Variants in DCC observed in about 807,000 individuals in gnomAD.
The protein encoded by DCC is DCC netrin 1 receptor.
Under a neutral mutation model 172.5 loss-of-function variants are expected in DCC, and 58 were observed. The observed-to-expected ratio is 0.34, with a 90% CI of 0.27 to 0.42. The LOEUF (loss-of-function observed/expected upper bound fraction) is 0.42, where lower values mean the gene tolerates loss of function less well. Among genes scored for constraint, DCC ranks in the 10% least tolerant of loss-of-function variants. The probability of loss-of-function intolerance (pLI) is 1.00; values close to 1 mark genes in which losing one functional copy is unlikely to be tolerated. For synonymous variants in DCC, 709 were observed against 644.5 expected (o/e 1.10, Z -1.52); for missense variants, 1,740 against 1,791.0 (o/e 0.97, Z 0.51).
At chr18:52,738,344 G>A (rs1273655516) in intron 1 of DCC, among the ~76,000 whole-genome samples, 2 of 152,128 alleles carry the variant, frequency 1.3e-5, no homozygotes, top group Admixed American at 6.5e-5. Context: ...ACACACCTAA[G>A]CTGCATGGTG....
intron 12 of DCC, among the ~76,000 whole-genome samples, chr18:53,236,172 A>G (rs1326004574): frequency 6.6e-6 from 1 of 152,160 alleles, no homozygotes; most frequent in Non-Finnish European, 1.5e-5. Flanking sequence ...CTAAATGATT[A>G]TAACATTTTG....
chr18:52,633,978 C>T (rs972842462), intron 1 of DCC, among the ~76,000 whole-genome samples: 3 of 152,242 alleles, frequency 2.0e-5, no homozygotes, highest in Non-Finnish European at 4.4e-5. Context: ...CAACCCTGCT[C>T]ATGGCAGGTG....
At chr18:53,169,386 G>C (rs986216877) in intron 8 of DCC, among the ~76,000 whole-genome samples, 3 of 152,198 alleles carry the variant, frequency 2.0e-5, no homozygotes, top group Non-Finnish European at 4.4e-5. Flanking sequence ...GTTGTCTACA[G>C]ACTTTTTAGC....
At chr18:52,867,773 C>T (rs763094238) in intron 2 of DCC, among the ~76,000 whole-genome samples, 45 of 151,992 alleles carry the variant, frequency 3.0e-4, no homozygotes, top group Non-Finnish European at 5.7e-4. Flanking sequence ...GACCCTATAG[C>T]GTTCTAAAAG....
At chr18:53,315,460 T>A (rs2057332227) in intron 13 of DCC, among the ~76,000 whole-genome samples, 1 of 152,220 alleles carries the variant, frequency 6.6e-6, no homozygotes, top group African/African-American at 2.4e-5. Flanking sequence ...TGATTTATAA[T>A]CCTTTGGGTA....
chr18:52,843,864 A>G (rs1056082284), intron 2 of DCC, among the ~76,000 whole-genome samples: 1 of 152,160 alleles, frequency 6.6e-6, no homozygotes, highest in Non-Finnish European at 1.5e-5. Flanking sequence ...AGAACAGGAA[A>G]TATGTAGGGA....
In DCC at chr18:53,314,641, C is replaced by T. The variant is rs560969147; in HGVS notation, c.2054-7406C>T. 1.8e-4 allele frequency among the ~76,000 whole-genome samples: 28 copies of T among 152,252 alleles called. No individual in the cohort carries two copies. In the South Asian group the frequency reaches 3.9e-3, roughly 21 times the overall value. Reference sequence around the variant, plus strand: ...GAAGATTTTCTTTAATAATGGGATTCTATACATATCTAAATTTTTTTTATA... The same window carrying T: ...GAAGATTTTCTTTAATAATGGGATTTTATACATATCTAAATTTTTTTTATA... On this transcript the variant is annotated intron_variant, in intron 13 of 28. Coordinates refer to ENST00000442544, the MANE Select transcript of DCC (RefSeq NM_005215.4).
At chr18:53,223,115 C>T (rs1486683167) in intron 12 of DCC, among the ~76,000 whole-genome samples, 1 of 152,066 alleles carries the variant, frequency 6.6e-6, no homozygotes, top group Non-Finnish European at 1.5e-5. Context: ...AAGTTAGAGA[C>T]ATGATTAAAT....
At chr18:52,748,368 C>A (rs556310061) in intron 1 of DCC, among the ~76,000 whole-genome samples, 1 of 152,300 alleles carries the variant, frequency 6.6e-6, no homozygotes, top group South Asian at 2.1e-4. Flanking sequence ...TTCCCGTAGC[C>A]CAGCAAACAA....
At chr18:53,268,623 A>G (rs2056710854) in intron 12 of DCC, among the ~76,000 whole-genome samples, 7 of 152,150 alleles carry the variant, frequency 4.6e-5, no homozygotes, top group Admixed American at 4.6e-4. Flanking sequence ...CTTGAAAAAA[A>G]ATGGCGAGAT....
chr18:52,702,045 G>A (rs997984640), intron 1 of DCC, among the ~76,000 whole-genome samples: 1 of 152,162 alleles, frequency 6.6e-6, no homozygotes, highest in African/African-American at 2.4e-5. Context: ...GCCCTGGGGG[G>A]TAATGGCACA....
intron 1 of DCC, among the ~76,000 whole-genome samples, chr18:52,487,424 A>G (rs981864739): frequency 6.6e-6 from 1 of 152,158 alleles, no homozygotes; most frequent in Non-Finnish European, 1.5e-5. Context: ...AGAAAATACT[A>G]TCTGCTCATT....
chr18:53,495,928 A>G lies in DCC; in HGVS notation c.3899-3370A>G, dbSNP rs148196749. Among the ~76,000 whole-genome samples the G allele has an allele frequency of 7.8e-4, 118 of 152,122 alleles. 2 individuals are homozygous for G. In the East Asian group the frequency reaches 0.02, roughly 26 times the overall value. ...TAGATTCCTCGTCTCTGGGCAGGGCATCTCTGAAAAAAAAGCAGCAGCCCC... is the reference window on the plus strand; with the variant it reads ...TAGATTCCTCGTCTCTGGGCAGGGCGTCTCTGAAAAAAAAGCAGCAGCCCC... On this transcript the variant is annotated intron_variant, in intron 26 of 28. Coordinates refer to ENST00000442544, the MANE Select transcript of DCC (RefSeq NM_005215.4).
intron 3 of DCC, among the ~76,000 whole-genome samples, chr18:52,910,944 C>T (rs1427592482): frequency 6.6e-6 from 1 of 151,916 alleles, no homozygotes; most frequent in Admixed American, 6.6e-5. Context: ...TTCTAAAATC[C>T]ATCTTATTTG....
At chr18:53,327,887 G>C (rs1449935229) in intron 14 of DCC, among the ~76,000 whole-genome samples, 1 of 152,112 alleles carries the variant, frequency 6.6e-6, no homozygotes, top group Non-Finnish European at 1.5e-5. Flanking sequence ...GATATTCTGT[G>C]ATTTATGATA....
intron 1 of DCC, among the ~76,000 whole-genome samples, chr18:52,569,446 G>T (rs2033241919): frequency 6.6e-6 from 1 of 152,122 alleles, no homozygotes; most frequent in East Asian, 1.9e-4. Flanking sequence ...TATCTTTATT[G>T]CTATGTATAC....
At chr18:52,733,385 C>G (rs1227755874) in intron 1 of DCC, among the ~76,000 whole-genome samples, 1 of 152,172 alleles carries the variant, frequency 6.6e-6, no homozygotes, top group African/African-American at 2.4e-5. Context: ...TTAGACCCAT[C>G]ACATTTTTGA....
chr18:53,016,074 A>C (rs2041804286), intron 5 of DCC, among the ~76,000 whole-genome samples: 1 of 152,146 alleles, frequency 6.6e-6, no homozygotes, highest in African/African-American at 2.4e-5. Context: ...GTCACTTTTG[A>C]GAATACATAT....
At chr18:53,400,368 T>A (rs1351744261) in intron 18 of DCC, among the ~76,000 whole-genome samples, 1 of 152,152 alleles carries the variant, frequency 6.6e-6, no homozygotes, top group Non-Finnish European at 1.5e-5. Context: ...TTGAGCACAG[T>A]GTTCATGGGA....
Sources: allele counts gnomAD v4.1 joint callset (sites outside exome capture counted in the v4.1 genomes callset), GRCh38; gene constraint gnomAD v4.1.1; transcripts MANE v1.5; gene names NCBI Gene and HGNC (gene_info 2026-07-23, HGNC 2026-07-21).